The following FSIP1 variants were observed in gnomAD, a reference collection of about 807,000 sequenced individuals.
FSIP1 encodes fibrous sheath-interacting protein 1.
Under a neutral mutation model 60.9 loss-of-function variants are expected in FSIP1, and 65 were observed. The ratio of observed to expected loss-of-function variants is 1.07; its 90% CI spans 0.87 to 1.31. The LOEUF is 1.31. Among genes scored for constraint, FSIP1 ranks in the 40% most tolerant of loss-of-function variants. FSIP1 has a pLI of 0.00. For missense variants in FSIP1, 675 were observed against 665.5 expected, an observed-to-expected ratio of 1.01 and a Z score of -0.16; for synonymous variants, 209 against 221.2, an observed-to-expected ratio of 0.94 and a Z score of 0.49.
chr15:39,625,631 G>A (rs112525044), intron 10 of FSIP1, among the ~76,000 whole-genome samples: 202 of 152,242 alleles, frequency 1.3e-3, no homozygotes, highest in African/African-American at 4.5e-3. Context: ...GCAAGTCGCC[G>A]GAATGGCCCT....
rs574357271 is a variant in FSIP1 at position 39,722,834 on chromosome 15, G to T, written c.1050+3755C>A. On this transcript the variant is annotated intron_variant, in intron 9 of 11. Coordinates refer to ENST00000350221, the MANE Select transcript of FSIP1 (RefSeq NM_152597.5). ...AGTCCCAGCTTCTGGGGACGGTGAG[G>T]TTGGAGGATCACTTGGGCCCAGGAG... is the stretch of plus-strand genomic sequence containing the variant. Among the ~76,000 whole-genome samples, 53 of 152,206 alleles carry T rather than the reference G, an allele frequency of 3.5e-4. 1 individual carries two copies. The highest frequency in any genetic ancestry group is 1.2e-3 in the African/African-American group (50 of 41,524).
chr15:39,697,540 G>A (rs918148903), intron 10 of FSIP1, among the ~76,000 whole-genome samples: 2 of 152,186 alleles, frequency 1.3e-5, no homozygotes, highest in Non-Finnish European at 2.9e-5. Flanking sequence ...AAACTGAGTC[G>A]ACATCAAGCT....
At chr15:39,775,869 G>A (rs1433492147) in intron 2 of FSIP1, among the ~76,000 whole-genome samples, 1 of 152,028 alleles carries the variant, frequency 6.6e-6, no homozygotes, top group Non-Finnish European at 1.5e-5. Context: ...GTCTCAGGTA[G>A]TTCTTTTATA....
chr15:39,664,525 A>C (rs1893420736), intron 10 of FSIP1, among the ~76,000 whole-genome samples: 1 of 152,190 alleles, frequency 6.6e-6, no homozygotes, highest in South Asian at 2.1e-4. Flanking sequence ...AAATCACATA[A>C]GCAAGCGAAT....
At chr15:39,611,194 A>C (rs1465645762) in intron 11 of FSIP1, among the ~76,000 whole-genome samples, 2 of 152,244 alleles carry the variant, frequency 1.3e-5, no homozygotes, top group Non-Finnish European at 2.9e-5. Context: ...TTACAAAAAG[A>C]TGTAAAATTT....
intron 5 of FSIP1, among the ~76,000 whole-genome samples, chr15:39,743,590 G>A (rs998300785): frequency 6.6e-6 from 1 of 152,090 alleles, no homozygotes; most frequent in Non-Finnish European, 1.5e-5. Context: ...TAAAACTAGT[G>A]GGTGACAGTT....
intron 10 of FSIP1, among the ~76,000 whole-genome samples, chr15:39,701,855 T>A (rs531820976): frequency 6.6e-6 from 1 of 152,300 alleles, no homozygotes; most frequent in Admixed American, 6.5e-5. Flanking sequence ...TACCGTGGAT[T>A]CAAGGCCCTT....
chr15:39,759,598 C>T (rs1897423985), intron 5 of FSIP1, among the ~76,000 whole-genome samples: 1 of 152,114 alleles, frequency 6.6e-6, no homozygotes, highest in South Asian at 2.1e-4. Context: ...TATAGCGGCC[C>T]TAACAAATTA....
At chr15:39,683,232 A>C (rs1894234681) in intron 10 of FSIP1, among the ~76,000 whole-genome samples, 1 of 152,178 alleles carries the variant, frequency 6.6e-6, no homozygotes. Flanking sequence ...AACTTGATAC[A>C]AACCATGACC....
chr15:39,634,547 T>C (rs1045462221), intron 10 of FSIP1, among the ~76,000 whole-genome samples: 1 of 152,236 alleles, frequency 6.6e-6, no homozygotes, highest in Non-Finnish European at 1.5e-5. Context: ...ATTTCATAAC[T>C]CAGCCCTATT....
chr15:39,600,868 G>GC lies in FSIP1; in HGVS notation c.*11dup. On this transcript the variant is annotated 3_prime_UTR_variant, in exon 12 of 12. Coordinates refer to ENST00000350221, the MANE Select transcript of FSIP1 (RefSeq NM_152597.5). ...ACCAACTTTCTGAAAAGCACACCCA[G>GC]CAAGTCCTTGATTAGGGTTCTTTAC... is the stretch of plus-strand genomic sequence containing the variant. 6.3e-7 allele frequency: 1 copy of GC among 1,598,994 alleles called. No homozygotes were observed. The highest frequency in any genetic ancestry group is 2.2e-5 in the East Asian group (1 of 44,478).
Position 39,765,679 on chromosome 15 carries a change from A to G in FSIP1, c.378T>C (p.Asp126=), listed in dbSNP as rs770586505. The G allele has an allele frequency of 3.8e-6, 6 of 1,594,380 alleles. No individual in the cohort carries two copies. The highest frequency in any genetic ancestry group is 5.1e-6 in the Non-Finnish European group (6 of 1,165,272). The change falls in exon 4 of 12, where the codon GAT becomes GAC. Residue 126 remains aspartate (D), a synonymous_variant. Coordinates refer to ENST00000350221, the MANE Select transcript of FSIP1 (RefSeq NM_152597.5). ...QDAIQKMKKL[D]KILAKKQRRE... ...TGCGTTGTTTCTTTGCCAATATTTT[A>G]TCAAGTTTTTTCATCTTCTGAATAG...
chr15:39,615,864 T>G (rs915109671), intron 11 of FSIP1, among the ~76,000 whole-genome samples: 14 of 152,068 alleles, frequency 9.2e-5, no homozygotes, highest in African/African-American at 3.4e-4. Context: ...TTAGGAAGAA[T>G]AAATTTTGAG....
At chr15:39,614,576 C>A (rs1256421331) in intron 11 of FSIP1, among the ~76,000 whole-genome samples, 1 of 144,954 alleles carries the variant, frequency 6.9e-6, no homozygotes, top group South Asian at 2.2e-4. Context: ...ACCCAGGAGG[C>A]GGAGGTTGCA....
chr15:39,600,683 G>A lies in FSIP1; in HGVS notation c.*197C>T. 2.0e-6 allele frequency: 1 copy of A among 491,202 alleles called. No individual in the cohort carries two copies. The highest frequency in any genetic ancestry group is 3.6e-6 in the Non-Finnish European group (1 of 278,348). 30.4% of individuals were successfully genotyped at this position (491,202 alleles called of 1,614,324 possible). On this transcript the variant is annotated 3_prime_UTR_variant, in exon 12 of 12. Transcript: ENST00000350221. Reference sequence around the variant, plus strand: ...AAACAATGGTCCCAGAAATTTTAATGAGCAAAAACCACTGAACAATTACAC... The same window carrying A: ...AAACAATGGTCCCAGAAATTTTAATAAGCAAAAACCACTGAACAATTACAC...
intron 10 of FSIP1, among the ~76,000 whole-genome samples, chr15:39,621,396 T>A (rs1036841774): frequency 2.0e-5 from 3 of 152,292 alleles, no homozygotes; most frequent in African/African-American, 7.2e-5. Flanking sequence ...TGGACTACAA[T>A]TACCCTGATC....
chr15:39,709,829 T>A (rs1480763552), intron 10 of FSIP1, among the ~76,000 whole-genome samples: 1 of 152,128 alleles, frequency 6.6e-6, no homozygotes, highest in Non-Finnish European at 1.5e-5. Context: ...GAGGCAGAGC[T>A]CAGGTAAAGC....
chr15:39,641,809 A>G (rs922291378), intron 10 of FSIP1, among the ~76,000 whole-genome samples: 1 of 152,228 alleles, frequency 6.6e-6, no homozygotes, highest in Non-Finnish European at 1.5e-5. Flanking sequence ...AGAGCTTTGC[A>G]GCAACCAGCA....
At chr15:39,760,644 A>G (rs1897464490) in intron 5 of FSIP1, among the ~76,000 whole-genome samples, 1 of 152,188 alleles carries the variant, frequency 6.6e-6, no homozygotes, top group Non-Finnish European at 1.5e-5. Flanking sequence ...ACAGACAAGG[A>G]AAGACTGAGG....
Sources: allele counts gnomAD v4.1 joint callset (sites outside exome capture counted in the v4.1 genomes callset), GRCh38; gene constraint gnomAD v4.1.1; transcripts MANE v1.5; gene names NCBI Gene and HGNC (gene_info 2026-07-23, HGNC 2026-07-21).